Variants in PIWIL2 observed in about 807,000 individuals in gnomAD.
PIWIL2 encodes the protein piwi-like protein 2.
In PIWIL2, 81 loss-of-function variants were observed where a neutral mutation model predicts 116.5. That is an observed-to-expected ratio of 0.70 (90% confidence interval 0.58 to 0.84). The LOEUF is 0.84. PIWIL2 is among the 40% of genes least tolerant of loss of function. The pLI, the probability that PIWIL2 is intolerant of heterozygous loss-of-function variation, is 0.00. For missense variants in PIWIL2, 1,272 were observed against 1,212.3 expected, an observed-to-expected ratio of 1.05 and a Z score of -0.73; for synonymous variants, 489 against 429.5, an observed-to-expected ratio of 1.14 and a Z score of -1.71.
At position 22,307,921 on chromosome 8, in the gene PIWIL2, A is replaced by T. The variant is rs759271491; in HGVS notation, c.1546-12A>T. On this transcript the variant is annotated splice_polypyrimidine_tract_variant and intron_variant, in intron 13 of 22. Coordinates refer to ENST00000356766, the MANE Select transcript of PIWIL2 (RefSeq NM_018068.5). The stretch of plus-strand genomic sequence containing the variant: ...TATCTTTATAAGTTATCTTTATTTT[A>T]ATTCTGTTTAGGATTTGGCTCAGCA... 7.0e-6 allele frequency: 11 copies of T among 1,581,992 alleles called. No homozygotes were observed. The African/African-American group carries it at 1.2e-4, about 17-fold the overall frequency.
At chr8:22,355,101 CAAAA>C (rs560160338) in intron 22 of PIWIL2, among the ~76,000 whole-genome samples, 7 of 141,088 alleles carry the variant, frequency 5.0e-5, no homozygotes, top group Admixed American at 6.9e-5. Context: ...ACAACAACAA[CAAAA>C]AAAAAACAGG....
chr8:22,339,673 A>T (rs1351515250), intron 20 of PIWIL2, among the ~76,000 whole-genome samples: 2 of 152,228 alleles, frequency 1.3e-5, no homozygotes, highest in African/African-American at 4.8e-5. Context: ...AAAAGACACT[A>T]TTAAGAAAGT....
chr8:22,314,499 T>C (rs1831406786), intron 17 of PIWIL2, 70 bp downstream of exon 17: 4 of 703,376 alleles, frequency 5.7e-6, no homozygotes, highest in Non-Finnish European at 9.2e-6. Flanking sequence ...AAGAGGGATA[T>C]GTGTGTTCAC....
intron 18 of PIWIL2, among the ~76,000 whole-genome samples, chr8:22,316,008 C>T (rs751608735): frequency 2.0e-5 from 3 of 152,188 alleles, no homozygotes; most frequent in African/African-American, 4.8e-5. Context: ...TCATAAGACT[C>T]ACAAAGCCTA....
rs1831230198 is a variant in PIWIL2 at position 22,308,033 on chromosome 8, T to G, written c.1646T>G (p.Leu549Arg). 6.2e-7 allele frequency: 1 copy of G among 1,613,858 alleles called. No individual in the cohort carries two copies. Among genetic ancestry groups the G allele is most frequent in the Admixed American group, 1.7e-5 (1 of 59,986 alleles). The change falls in exon 14 of 23, where the codon CTG becomes CGG. Residue 549 changes from leucine (L) to arginine (R), a missense_variant. Coordinates refer to ENST00000356766, the MANE Select transcript of PIWIL2 (RefSeq NM_018068.5). Reference sequence around the variant, plus strand: ...AAGAACGAGGCAGCCACCAATGAACTGATGCGTTGGGGGCTCCGTCTGCAA... The same window carrying G: ...AAGAACGAGGCAGCCACCAATGAACGGATGCGTTGGGGGCTCCGTCTGCAA... ...IAKNEAATNE[L>R]MRWGLRLQKD...
chr8:22,308,050 C>A lies in PIWIL2; in HGVS notation c.1663C>A (p.Arg555Ser). Residue 555 changes from arginine (R) to serine (S), a missense_variant, in exon 14 of 23, where the codon CGT (arginine) becomes AGT (serine). Coordinates refer to ENST00000356766, the MANE Select transcript of PIWIL2 (RefSeq NM_018068.5). ...CAATGAACTGATGCGTTGGGGGCTC[C>A]GTCTGCAAAAGGATGTACATAAGGT... is the stretch of plus-strand genomic sequence containing the variant. Reference protein sequence around the residue: ...ATNELMRWGLRLQKDVHKIEG... With the variant: ...ATNELMRWGLSLQKDVHKIEG... 3 of 1,613,796 alleles carry A rather than the reference C, an allele frequency of 1.9e-6. No individual in the cohort carries two copies. The highest frequency in any genetic ancestry group is 2.5e-6 in the Non-Finnish European group (3 of 1,179,880).
intron 3 of PIWIL2, 29 bp from the exon 4 acceptor site, chr8:22,281,348 C>T (rs1830495055): frequency 1.9e-6 from 3 of 1,597,450 alleles, no homozygotes; most frequent in East Asian, 2.2e-5. Flanking sequence ...AAGTCATAGT[C>T]ATTGCTGGGG....
At chr8:22,327,804 T>C (rs1301638895) in intron 20 of PIWIL2, among the ~76,000 whole-genome samples, 1 of 152,226 alleles carries the variant, frequency 6.6e-6, no homozygotes, top group East Asian at 1.9e-4. Context: ...TTGGGCTATT[T>C]GTCGTTTTGT....
At chr8:22,342,635 A>G (rs11135995) in intron 20 of PIWIL2, among the ~76,000 whole-genome samples, 62,045 of 152,114 alleles carry the variant, frequency 0.41, 15,458 homozygotes, top group East Asian at 0.82. Context: ...TTATAGACCT[A>G]TGTTTAAAAT....
chr8:22,285,400 A>C (rs1830606950), intron 6 of PIWIL2, among the ~76,000 whole-genome samples: 1 of 152,168 alleles, frequency 6.6e-6, no homozygotes, highest in Non-Finnish European at 1.5e-5. Flanking sequence ...ATATGACAGG[A>C]TGTACTTCTT....
At chr8:22,291,366 G>A (rs915486354) in intron 10 of PIWIL2, among the ~76,000 whole-genome samples, 2 of 151,818 alleles carry the variant, frequency 1.3e-5, no homozygotes, top group Admixed American at 6.6e-5. Flanking sequence ...TCCCAGGCTC[G>A]TCTTGAACTC....
In PIWIL2 at chr8:22,307,990, T is replaced by A; in HGVS notation, c.1603T>A (p.Leu535Met). 6.2e-7 allele frequency: 1 copy of A among 1,613,804 alleles called. No individual in the cohort carries two copies. The highest frequency in any genetic ancestry group is 8.5e-7 in the Non-Finnish European group (1 of 1,179,868). The change falls in exon 14 of 23, where the codon TTG becomes ATG. Residue 535 changes from leucine to methionine, a missense_variant. By Grantham distance (15) the Leu-to-Met change is conservative. Transcript: ENST00000356766. ...GCAACACCATAGTGCTTTGGAATGC[T>A]TGCTGCAAAGAATTGCAAAGAACGA... ...PKQHHSALEC[L>M]LQRIAKNEAA...
intron 20 of PIWIL2, among the ~76,000 whole-genome samples, chr8:22,330,422 G>T (rs1259232172): frequency 1.3e-5 from 2 of 152,100 alleles, no homozygotes; most frequent in East Asian, 3.8e-4. Flanking sequence ...GATATAGCCG[G>T]GCGTGGTGGC....
Position 22,355,511 on chromosome 8 carries a change from C to G in PIWIL2, c.*6C>G. 1 of 1,613,160 alleles carries G rather than the reference C, an allele frequency of 6.2e-7. No individual in the cohort carries two copies. The highest frequency in any genetic ancestry group is 8.5e-7 in the Non-Finnish European group (1 of 1,179,612). On this transcript the variant is annotated 3_prime_UTR_variant, in exon 23 of 23. Transcript: ENST00000356766. The stretch of plus-strand genomic sequence containing the variant: ...AGAACCTGTTCTTCCTGTGACTGCA[C>G]AGCTTGGAGATGGGCTGGTGAGAAG...
At chr8:22,328,759 T>C (rs1586583787) in intron 20 of PIWIL2, among the ~76,000 whole-genome samples, 2 of 151,856 alleles carry the variant, frequency 1.3e-5, no homozygotes, top group Non-Finnish European at 2.9e-5. Flanking sequence ...AACACAACTG[T>C]TTTTATGTGT....
At chr8:22,350,194 T>C (rs1430322377) in intron 20 of PIWIL2, among the ~76,000 whole-genome samples, 2 of 152,180 alleles carry the variant, frequency 1.3e-5, no homozygotes. Flanking sequence ...TAGGGCACGT[T>C]GACTAATAGT....
At chr8:22,345,472 G>C (rs1586597657) in intron 20 of PIWIL2, among the ~76,000 whole-genome samples, 1 of 151,774 alleles carries the variant, frequency 6.6e-6, no homozygotes, top group Admixed American at 6.6e-5. Flanking sequence ...ACCAGCCTGG[G>C]CAACATGGCG....
At chr8:22,300,139 C>T (rs1248700968) in intron 10 of PIWIL2, among the ~76,000 whole-genome samples, 1 of 152,032 alleles carries the variant, frequency 6.6e-6, no homozygotes, top group Non-Finnish European at 1.5e-5. Flanking sequence ...CTATGTTGCC[C>T]AGGCCGGTCT....
intron 20 of PIWIL2, among the ~76,000 whole-genome samples, chr8:22,351,583 G>A (rs1263390874): frequency 1.4e-5 from 2 of 148,000 alleles, no homozygotes; most frequent in African/African-American, 5.0e-5. Flanking sequence ...TGTCACCCAG[G>A]CTGGAGTGCA....
Sources: allele counts gnomAD v4.1 joint callset (sites outside exome capture counted in the v4.1 genomes callset), GRCh38; gene constraint gnomAD v4.1.1; transcripts MANE v1.5; gene names NCBI Gene and HGNC (gene_info 2026-07-23, HGNC 2026-07-21).